The following IL1RAPL1 variants were observed in gnomAD, a reference collection of about 807,000 sequenced individuals.
The protein encoded by IL1RAPL1 is interleukin-1 receptor accessory protein-like 1.
Under a neutral mutation model 48.4 loss-of-function variants are expected in IL1RAPL1, and 3 were observed. The observed-to-expected ratio is 0.06, with a 90% CI of 0.03 to 0.16. IL1RAPL1 has a LOEUF of 0.16. Ranked by LOEUF, IL1RAPL1 falls within the 10% of genes least tolerant of loss-of-function variation. The pLI is 1.00. For synonymous variants in IL1RAPL1, 185 were observed against 187.7 expected (o/e 0.99, Z 0.12); for missense variants, 349 against 530.6 (o/e 0.66, Z 3.36).
intron 2 of IL1RAPL1, among the ~76,000 whole-genome samples, chrX:29,226,950 A>G (rs1159257274): frequency 9.1e-6 from 1 of 109,675 alleles, no homozygotes; most frequent in African/African-American, 3.3e-5. Flanking sequence ...TCCAAAGAAC[A>G]TTATTATAAA....
At chrX:28,908,969 C>T (rs1401692488) in intron 2 of IL1RAPL1, among the ~76,000 whole-genome samples, 1 of 111,528 alleles carries the variant, frequency 9.0e-6, no homozygotes, top group Non-Finnish European at 1.9e-5. Context: ...TTTTCTTGAT[C>T]TGAGGTCTAC....
At chrX:29,261,957 C>T (rs1238697113) in intron 2 of IL1RAPL1, among the ~76,000 whole-genome samples, 1 of 111,597 alleles carries the variant, frequency 9.0e-6, no homozygotes, top group Non-Finnish European at 1.9e-5. Flanking sequence ...ACTAGATATA[C>T]TCATGAAGGT....
At chrX:28,961,808 T>A (rs979594238) in intron 2 of IL1RAPL1, among the ~76,000 whole-genome samples, 10 of 112,078 alleles carry the variant, frequency 8.9e-5, no homozygotes, top group African/African-American at 3.2e-4. Flanking sequence ...AAATGTTCCA[T>A]ATATTGCCAG....
chrX:28,947,848 C>T (rs1157016216), intron 2 of IL1RAPL1, among the ~76,000 whole-genome samples: 2 of 111,375 alleles, frequency 1.8e-5, no homozygotes, highest in Non-Finnish European at 3.8e-5. Flanking sequence ...GTTTTTGGTG[C>T]TCACTGAAAG....
rs149937160 is a variant in IL1RAPL1, at chrX:29,861,364, G to A, written c.779-56100G>A. ...AAATCTCTAAGGATAAAACTCAGGT[G>A]TCAGTATTTTAATAAACTTCCCAGG... On this transcript the variant is annotated intron_variant, in intron 6 of 10. Transcript: ENST00000378993. Among the ~76,000 whole-genome samples, 965 of 111,499 alleles carry A rather than the reference G, an allele frequency of 8.7e-3. 10 individuals are homozygous for A. Among genetic ancestry groups the A allele is most frequent in the African/African-American group, 0.029 (876 of 30,666 alleles).
At chrX:29,439,333 A>C (rs1248371787) in intron 5 of IL1RAPL1, among the ~76,000 whole-genome samples, 1 of 111,699 alleles carries the variant, frequency 9.0e-6, no homozygotes, top group Non-Finnish European at 1.9e-5. Flanking sequence ...ATGGGAAAGG[A>C]TGTAAGCCTC....
intron 2 of IL1RAPL1, among the ~76,000 whole-genome samples, chrX:28,860,204 A>G (rs111937759): frequency 0.027 from 2,987 of 111,454 alleles, 93 homozygotes; most frequent in African/African-American, 0.093. Context: ...GGTGAAAAGC[A>G]TGGGCTCTCA....
At chrX:28,723,606 T>C (rs1417963725) in intron 1 of IL1RAPL1, among the ~76,000 whole-genome samples, 1 of 111,931 alleles carries the variant, frequency 8.9e-6, no homozygotes, top group Non-Finnish European at 1.9e-5. Context: ...AGTTCTGCTC[T>C]GATCTTAGTT....
chrX:28,735,338 G>C (rs1398252093), intron 1 of IL1RAPL1, among the ~76,000 whole-genome samples: 1 of 109,760 alleles, frequency 9.1e-6, no homozygotes, highest in Non-Finnish European at 1.9e-5. Flanking sequence ...AATAGGTTTT[G>C]TCTCTTCAAC....
intron 3 of IL1RAPL1, among the ~76,000 whole-genome samples, chrX:29,349,816 G>C (rs1046307114): frequency 1.0e-4 from 11 of 109,475 alleles, no homozygotes; most frequent in African/African-American, 3.3e-4. Context: ...AGTGTAAATG[G>C]TGCTCAGCGG....
At chrX:29,074,100 C>G (rs1927621707) in intron 2 of IL1RAPL1, among the ~76,000 whole-genome samples, 1 of 112,034 alleles carries the variant, frequency 8.9e-6, no homozygotes, top group Admixed American at 9.5e-5. Context: ...CTTTCAACAA[C>G]TCTGAGAGTT....
chrX:29,925,159 G>T (rs1430363290), intron 8 of IL1RAPL1, among the ~76,000 whole-genome samples: 1 of 110,836 alleles, frequency 9.0e-6, no homozygotes, highest in Admixed American at 9.7e-5. Context: ...GCCAAACTTC[G>T]TTCAGAAATC....
intron 2 of IL1RAPL1, among the ~76,000 whole-genome samples, chrX:29,177,957 T>G (rs1198365701): frequency 8.9e-6 from 1 of 112,217 alleles, no homozygotes; most frequent in African/African-American, 3.2e-5. Context: ...TATTCCATGG[T>G]GTATATGTGC....
At chrX:29,449,046 C>A (rs767568942) in intron 5 of IL1RAPL1, among the ~76,000 whole-genome samples, 3 of 111,446 alleles carry the variant, frequency 2.7e-5, no homozygotes, top group Non-Finnish European at 5.7e-5. Context: ...GGGGTTAGTG[C>A]TTCAATATAT....
At chrX:29,490,344 CA>C (rs1337951154) in intron 5 of IL1RAPL1, among the ~76,000 whole-genome samples, 1 of 110,640 alleles carries the variant, frequency 9.0e-6, no homozygotes, top group African/African-American at 3.3e-5. Context: ...CCAGCCCAGG[CA>C]ACATGGCAAA....
chrX:28,986,699 T>C (rs1007627087), intron 2 of IL1RAPL1, among the ~76,000 whole-genome samples: 2 of 112,427 alleles, frequency 1.8e-5, no homozygotes, highest in Non-Finnish European at 3.8e-5. Context: ...TATTGTTTTC[T>C]TTTTAAAACA....
chrX:29,909,025 C>T (rs957223420), intron 6 of IL1RAPL1, among the ~76,000 whole-genome samples: 4 of 111,516 alleles, frequency 3.6e-5, no homozygotes, highest in African/African-American at 1.3e-4. Context: ...TTTAAAACAT[C>T]TCATTGCTTT....
At chrX:29,064,348 A>G (rs1927404687) in intron 2 of IL1RAPL1, among the ~76,000 whole-genome samples, 1 of 111,663 alleles carries the variant, frequency 9.0e-6, no homozygotes, top group Non-Finnish European at 1.9e-5. Flanking sequence ...GATTATGCTG[A>G]AAGGGCCACA....
intron 6 of IL1RAPL1, among the ~76,000 whole-genome samples, chrX:29,906,787 G>GA (rs763275346): frequency 3.6e-4 from 39 of 109,073 alleles, no homozygotes; most frequent in African/African-American, 1.2e-3. Context: ...TCACTTGCAT[G>GA]AAAAAATCAC....
Sources: allele counts gnomAD v4.1 joint callset (sites outside exome capture counted in the v4.1 genomes callset), GRCh38; gene constraint gnomAD v4.1.1; transcripts MANE v1.5; gene names NCBI Gene and HGNC (gene_info 2026-07-23, HGNC 2026-07-21).